MICAL3: variants seen among roughly 807,000 people sequenced by gnomAD.
MICAL3 encodes [F-actin]-monooxygenase MICAL3.
A neutral mutation model predicts 207.4 loss-of-function variants in MICAL3; 62 were observed. That is an observed-to-expected ratio of 0.30 (90% confidence interval 0.24 to 0.37). The LOEUF (loss-of-function observed/expected upper bound fraction) is 0.37. Ranked by LOEUF, MICAL3 falls within the 10% of genes least tolerant of loss-of-function variation. The probability of loss-of-function intolerance (pLI) is 1.00; values close to 1 mark genes in which losing one functional copy is unlikely to be tolerated. For synonymous variants in MICAL3, 1,077 were observed against 1,069.3 expected, an observed-to-expected ratio of 1.01 and a Z score of -0.14; for missense variants, 2,368 against 2,635.6, an observed-to-expected ratio of 0.90 and a Z score of 2.22.
intron 16 of MICAL3, among the ~76,000 whole-genome samples, chr22:17,877,054 G>T (rs1170810244): frequency 1.1e-3 from 118 of 109,510 alleles, no homozygotes; most frequent in Admixed American, 1.9e-3. Flanking sequence ...ATGGAGGTTA[G>T]GGAGGTTATG....
chr22:17,882,042 A>G (rs1357026736), intron 16 of MICAL3, among the ~76,000 whole-genome samples: 1 of 152,192 alleles, frequency 6.6e-6, no homozygotes, highest in East Asian at 1.9e-4. Context: ...CCCATGGGGC[A>G]GCATGCAGGG....
At chr22:17,942,678 A>G (rs2146340274) in intron 1 of MICAL3, among the ~76,000 whole-genome samples, 1 of 152,350 alleles carries the variant, frequency 6.6e-6, no homozygotes, top group South Asian at 2.1e-4. Flanking sequence ...CTGGCCTCAC[A>G]CTAGGCTTCC....
intron 1 of MICAL3, among the ~76,000 whole-genome samples, chr22:17,934,636 G>C (rs533966508): frequency 1.8e-4 from 27 of 152,050 alleles, no homozygotes; most frequent in Admixed American, 7.9e-4. Flanking sequence ...AGAAATAAAG[G>C]GTATTCAATT....
intron 1 of MICAL3, among the ~76,000 whole-genome samples, chr22:17,907,986 A>T (rs1931863907): frequency 6.6e-6 from 1 of 152,204 alleles, no homozygotes; most frequent in African/African-American, 2.4e-5. Flanking sequence ...TGCTGGACAG[A>T]GGCTGGGAGG....
At chr22:17,947,927 C>T (rs899453660) in intron 1 of MICAL3, among the ~76,000 whole-genome samples, 6 of 151,994 alleles carry the variant, frequency 3.9e-5, no homozygotes, top group East Asian at 1.9e-4. Flanking sequence ...CCACACATAC[C>T]GTGTCTCCTA....
chr22:17,899,193 G>A, intron 7 of MICAL3: 1 of 532,582 alleles, frequency 1.9e-6, no homozygotes, highest in Non-Finnish European at 3.5e-6. Flanking sequence ...CTGGCCACGT[G>A]TTGAGAACTG....
chr22:18,019,805 G>GTT (rs1569169676), intron 1 of MICAL3: 5 of 128,272 alleles, frequency 3.9e-5, no homozygotes, highest in Non-Finnish European at 5.9e-5. Flanking sequence ...GAATGCTGCT[G>GTT]ATTTTTTTTT....
intron 1 of MICAL3, among the ~76,000 whole-genome samples, chr22:17,936,398 G>A (rs1933530093): frequency 6.6e-6 from 1 of 152,066 alleles, no homozygotes; most frequent in South Asian, 2.1e-4. Context: ...ACACAGGGCG[G>A]GGAACACCAC....
intron 1 of MICAL3, among the ~76,000 whole-genome samples, chr22:17,912,312 T>C (rs1230743064): frequency 1.3e-5 from 2 of 152,088 alleles, no homozygotes; most frequent in Non-Finnish European, 2.9e-5. Flanking sequence ...CTGTTTTGGC[T>C]ATTCAGGGTC....
At chr22:17,980,044 G>C (rs1935838230) in intron 1 of MICAL3, among the ~76,000 whole-genome samples, 1 of 152,160 alleles carries the variant, frequency 6.6e-6, no homozygotes, top group African/African-American at 2.4e-5. Flanking sequence ...GTCCAGACTG[G>C]TCTGGAACTG....
intron 22 of MICAL3, among the ~76,000 whole-genome samples, chr22:17,825,744 AGGCT>A (rs1278008938): frequency 1.3e-5 from 2 of 152,142 alleles, no homozygotes; most frequent in African/African-American, 4.8e-5. Flanking sequence ...TAGGTGGTGG[AGGCT>A]GCACGGACAC....
intron 27 of MICAL3, chr22:17,812,376 G>T: frequency 1.2e-5 from 3 of 246,338 alleles, no homozygotes; most frequent in African/African-American, 2.3e-5. Context: ...ACTGCTGCCA[G>T]TGTGTGCCAC....
intron 1 of MICAL3, among the ~76,000 whole-genome samples, chr22:17,926,325 C>A (rs937533223): frequency 8.5e-5 from 13 of 152,226 alleles, no homozygotes; most frequent in African/African-American, 3.1e-4. Context: ...AAGCGTGAAT[C>A]TGTAGAGTAA....
At chr22:17,911,915 T>C (rs1932170904) in intron 1 of MICAL3, among the ~76,000 whole-genome samples, 1 of 89,932 alleles carries the variant, frequency 1.1e-5, no homozygotes, top group Non-Finnish European at 2.0e-5. Flanking sequence ...ATCGCCAACA[T>C]GCCTCGGGCT....
intron 16 of MICAL3, chr22:17,875,410 G>A (rs900058562): frequency 8.9e-6 from 12 of 1,342,158 alleles, no homozygotes; most frequent in East Asian, 2.7e-5. Context: ...TGGAGGCTGC[G>A]GAGGGCAGAG....
chr22:17,946,311 T>C (rs1447963692), intron 1 of MICAL3, among the ~76,000 whole-genome samples: 1 of 152,206 alleles, frequency 6.6e-6, no homozygotes, highest in African/African-American at 2.4e-5. Context: ...TCATACCTTG[T>C]GGACCATATC....
At chr22:17,986,173 G>A (rs1920995341) in intron 1 of MICAL3, among the ~76,000 whole-genome samples, 1 of 152,118 alleles carries the variant, frequency 6.6e-6, no homozygotes, top group Non-Finnish European at 1.5e-5. Context: ...CCAAAGTGAT[G>A]GGATTACAGG....
intron 22 of MICAL3, among the ~76,000 whole-genome samples, chr22:17,826,811 C>G (rs1053532389): frequency 6.6e-6 from 1 of 152,246 alleles, no homozygotes; most frequent in East Asian, 1.9e-4. Context: ...GGTGCCACCA[C>G]AAGCCGGAAA....
At chr22:18,008,155 G>A (rs910130619) in intron 1 of MICAL3, among the ~76,000 whole-genome samples, 4 of 151,976 alleles carry the variant, frequency 2.6e-5, no homozygotes, top group Non-Finnish European at 5.9e-5. Context: ...CAGGAGAATC[G>A]CTTGAACCCA....
Sources: gnomAD v4.1 joint callset for allele counts (sites outside exome capture counted in the v4.1 genomes callset) on GRCh38, gnomAD v4.1.1 for gene constraint, MANE v1.5 for transcripts, NCBI Gene and HGNC (gene_info 2026-07-23, HGNC 2026-07-21) for gene names.